Variants in NDUFC1 observed in about 807,000 individuals in gnomAD.
NDUFC1 encodes the protein NADH dehydrogenase [ubiquinone] 1 subunit C1, mitochondrial.
NDUFC1 carries 11 observed loss-of-function variants against 11.6 expected under a neutral mutation model. That is an observed-to-expected ratio of 0.95 (90% CI 0.60 to 1.58). The LOEUF (loss-of-function observed/expected upper bound fraction) is 1.58. NDUFC1 is among the 40% of genes most tolerant of loss of function. The pLI, the probability that NDUFC1 is intolerant of heterozygous loss-of-function variation, is 0.00. For missense variants in NDUFC1, 112 were observed against 93.0 expected, an observed-to-expected ratio of 1.20 and a Z score of -0.84; for synonymous variants, 52 against 42.2, an observed-to-expected ratio of 1.23 and a Z score of -0.90.
chr4:139,301,237 A>G (rs1745710878), intron 1 of NDUFC1: 1 of 303,046 alleles, frequency 3.3e-6, no homozygotes, highest in Non-Finnish European at 6.1e-6. Flanking sequence ...TCGATCTAGC[A>G]GGAAGGCGCC....
rs1233425120 is a variant in NDUFC1, at chr4:139,295,824, C to A, written c.-26G>T. 5 of 1,543,158 alleles carry A rather than the reference C, an allele frequency of 3.2e-6. No homozygotes were observed. Among genetic ancestry groups the A allele is most frequent in the Non-Finnish European group, 4.4e-6 (5 of 1,144,052 alleles). On this transcript the variant is annotated 5_prime_UTR_variant, in exon 3 of 6. Transcript: ENST00000394223. Reference sequence around the variant, plus strand: ...CTTGCGTGGCCCAGCTCAGTCTCTCCGAGTTGGCAACAGAACCAGCGCCAC... The same window carrying A: ...CTTGCGTGGCCCAGCTCAGTCTCTCAGAGTTGGCAACAGAACCAGCGCCAC...
chr4:139,295,686 G>T, intron 3 of NDUFC1, 46 bp downstream of exon 3: 1 of 1,528,292 alleles, frequency 6.5e-7, no homozygotes, highest in South Asian at 1.2e-5. Flanking sequence ...CGCCTTAGGA[G>T]GGGTAATCTG....
intron 1 of NDUFC1, among the ~76,000 whole-genome samples, chr4:139,298,402 C>G (rs1023824894): frequency 6.9e-6 from 1 of 144,286 alleles, no homozygotes; most frequent in Non-Finnish European, 1.5e-5. Context: ...CGCACCATTG[C>G]ACTCTAGCCT....
intron 1 of NDUFC1, among the ~76,000 whole-genome samples, chr4:139,300,025 G>C (rs1177725738): frequency 6.6e-6 from 1 of 152,144 alleles, no homozygotes; most frequent in Non-Finnish European, 1.5e-5. Flanking sequence ...TATTTTTTCT[G>C]TCTTTCAATA....
intron 2 of NDUFC1, 116 bp downstream of exon 2, chr4:139,297,269 T>C (rs1745510897): frequency 6.6e-6 from 1 of 152,242 alleles, no homozygotes; most frequent in African/African-American, 2.4e-5. Context: ...AAATTACTAA[T>C]TTCAGTACTG....
At chr4:139,298,106 C>A (rs143628874) in intron 1 of NDUFC1, among the ~76,000 whole-genome samples, 5 of 152,050 alleles carry the variant, frequency 3.3e-5, no homozygotes, top group Non-Finnish European at 7.4e-5. Context: ...CAACCTCCCA[C>A]CTCCCCACAC....
chr4:139,301,446 C>T (rs1238343764), intron 1 of NDUFC1: 2 of 438,798 alleles, frequency 4.6e-6, no homozygotes, highest in African/African-American at 4.1e-5. Context: ...AGGAGGTCAC[C>T]GCGCCTGCGT....
intron 1 of NDUFC1, chr4:139,301,932 G>C (rs1745777152): frequency 3.9e-6 from 5 of 1,297,256 alleles, no homozygotes; most frequent in Non-Finnish European, 4.3e-6. Context: ...ACTCCCGCCC[G>C]GGACCCCGCC....
chr4:139,301,868 T>G, intron 1 of NDUFC1: 1 of 1,565,254 alleles, frequency 6.4e-7, no homozygotes, highest in Non-Finnish European at 8.7e-7. Flanking sequence ...TGGGGAGGAT[T>G]TAGCCGGTAA....
chr4:139,290,914 T>C (rs1301652679), intron 5 of NDUFC1, among the ~76,000 whole-genome samples: 1 of 151,850 alleles, frequency 6.6e-6, no homozygotes, highest in African/African-American at 2.4e-5. Flanking sequence ...GTTAAAGCAA[T>C]TATCGTGCCT....
At chr4:139,300,935 C>A (rs1560944407) in intron 1 of NDUFC1, 1 of 152,218 alleles carries the variant, frequency 6.6e-6, no homozygotes, top group Non-Finnish European at 1.5e-5. Flanking sequence ...CCTTTCCAGG[C>A]TGATCTTAAG....
At chr4:139,297,853 CAGG>C (rs1477379884) in intron 1 of NDUFC1, among the ~76,000 whole-genome samples, 1 of 152,140 alleles carries the variant, frequency 6.6e-6, no homozygotes, top group African/African-American at 2.4e-5. Flanking sequence ...TGCCTGAGTC[CAGG>C]AGGTCAAGAC....
At chr4:139,291,903 C>T (rs1187593068) in intron 5 of NDUFC1, among the ~76,000 whole-genome samples, 1 of 151,292 alleles carries the variant, frequency 6.6e-6, no homozygotes, top group African/African-American at 2.4e-5. Flanking sequence ...GTGGCACGAT[C>T]TTGGCTCACT....
chr4:139,293,472 A>G (rs1307810056), intron 4 of NDUFC1, among the ~76,000 whole-genome samples: 2 of 152,262 alleles, frequency 1.3e-5, no homozygotes. Flanking sequence ...TGCTCTCAGC[A>G]GTAATTAAGC....
chr4:139,293,383 C>T (rs1452621296), intron 4 of NDUFC1, among the ~76,000 whole-genome samples: 2 of 152,176 alleles, frequency 1.3e-5, no homozygotes, highest in Non-Finnish European at 1.5e-5. Context: ...GGACCACTGT[C>T]TGACAGAATA....
At chr4:139,297,249 A>C (rs894367229) in intron 2 of NDUFC1, 136 bp downstream of exon 2, 9 of 152,256 alleles carry the variant, frequency 5.9e-5, no homozygotes, top group African/African-American at 2.2e-4. Flanking sequence ...AGTATTCAGA[A>C]CCAGTAAGCA....
intron 1 of NDUFC1, chr4:139,301,602 A>G: frequency 1.5e-6 from 1 of 663,474 alleles, no homozygotes; most frequent in East Asian, 3.0e-5. Context: ...AGGAAAAAAG[A>G]CAACGAGGAA....
chr4:139,301,813 G>T, intron 1 of NDUFC1: 2 of 1,593,418 alleles, frequency 1.3e-6, no homozygotes, highest in Non-Finnish European at 1.7e-6. Flanking sequence ...AGGAGAATGC[G>T]CTCTTCAAGC....
At chr4:139,293,930 ATTTTTTTTTTT>A (rs775805536) in intron 4 of NDUFC1, among the ~76,000 whole-genome samples, 20 of 69,748 alleles carry the variant, frequency 2.9e-4, no homozygotes, top group East Asian at 4.7e-4. Context: ...TGTGGTGTGA[ATTTTTTTTTTT>A]TTTTTTTTTT....
Sources: allele counts gnomAD v4.1 joint callset (sites outside exome capture counted in the v4.1 genomes callset), GRCh38; gene constraint gnomAD v4.1.1; transcripts MANE v1.5; gene names NCBI Gene and HGNC (gene_info 2026-07-23, HGNC 2026-07-21).